The following VTI1A variants were observed in gnomAD, a reference collection of about 807,000 sequenced individuals.
The protein encoded by VTI1A is vesicle transport through interaction with t-SNAREs homolog 1A.
Under a neutral mutation model 34.9 loss-of-function variants are expected in VTI1A, and 22 were observed. That is an observed-to-expected ratio of 0.63 (90% CI 0.45 to 0.90). The LOEUF is 0.90. VTI1A is among the 40% of genes least tolerant of loss of function. The pLI is 0.00. For missense variants in VTI1A, 268 were observed against 275.6 expected, an observed-to-expected ratio of 0.97 and a Z score of 0.20; for synonymous variants, 87 against 97.3, an observed-to-expected ratio of 0.89 and a Z score of 0.62.
rs1457226715 is a variant in VTI1A, at chr10:112,556,414, C to G, written c.427+18084C>G. 9.9e-5 allele frequency among the ~76,000 whole-genome samples: 15 copies of G among 151,898 alleles called. 1 individual carries two copies. Among genetic ancestry groups the G allele is most frequent in the Admixed American group, 9.8e-4 (15 of 15,264 alleles). On this transcript the variant is annotated intron_variant, in intron 5 of 7. Coordinates refer to ENST00000393077, the MANE Select transcript of VTI1A (RefSeq NM_145206.4). ...ACTCTGATATTTCAACTCTAAAAAC[C>G]TCATAAATGATTCAGTATCAGTTTG...
chr10:112,519,782 G>C (rs1371385989), intron 3 of VTI1A, among the ~76,000 whole-genome samples: 1 of 152,046 alleles, frequency 6.6e-6, no homozygotes, highest in African/African-American at 2.4e-5. Context: ...GCCTGATCTA[G>C]ATGAAACCTC....
chr10:112,741,015 CT>C (rs1850676360), intron 7 of VTI1A, among the ~76,000 whole-genome samples: 1 of 152,118 alleles, frequency 6.6e-6, no homozygotes, highest in Non-Finnish European at 1.5e-5. Context: ...ATGGATAAAC[CT>C]GAAAACATGC....
At chr10:112,713,347 A>G (rs1849497072) in intron 7 of VTI1A, among the ~76,000 whole-genome samples, 1 of 152,238 alleles carries the variant, frequency 6.6e-6, no homozygotes, top group Non-Finnish European at 1.5e-5. Context: ...CATTATTGTC[A>G]AGATTACTGT....
chr10:112,618,518 T>TAG lies in VTI1A; in HGVS notation c.428-49699_428-49698insGA, dbSNP rs1229141246. ...ATATATATATATATATATATATATA[T>TAG]ATATATAGAGAGAGAGAGAGAGAGA... On this transcript the variant is annotated intron_variant, in intron 5 of 7. Transcript: ENST00000393077. Among the ~76,000 whole-genome samples, 358 of 47,420 alleles carry TAG rather than the reference T, an allele frequency of 7.5e-3. 8 individuals carry two copies. The highest frequency in any genetic ancestry group is 0.056 in the East Asian group (67 of 1,190). The allele number at this position is 47,420 out of a possible 152,430, so 31.1% of individuals were successfully genotyped here. A position where few individuals can be genotyped will look rare whatever the true frequency, so the allele number is the denominator to read the frequency against.
chr10:112,715,862 CAGACTTGTT>C (rs2133930387), intron 7 of VTI1A, among the ~76,000 whole-genome samples: 1 of 152,318 alleles, frequency 6.6e-6, no homozygotes, highest in African/African-American at 2.4e-5. Context: ...GGTGTATTCG[CAGACTTGTT>C]GTAGGCACAG....
At chr10:112,514,863 C>G (rs1374753449) in intron 3 of VTI1A, among the ~76,000 whole-genome samples, 1 of 151,904 alleles carries the variant, frequency 6.6e-6, no homozygotes, top group Non-Finnish European at 1.5e-5. Flanking sequence ...CCTTTTCATG[C>G]CTGTATATGG....
intron 7 of VTI1A, among the ~76,000 whole-genome samples, chr10:112,796,521 A>G (rs1852682921): frequency 1.3e-5 from 2 of 152,192 alleles, no homozygotes; most frequent in Admixed American, 6.5e-5. Context: ...TCGTGGTCTA[A>G]GAGCAATTCA....
intron 3 of VTI1A, among the ~76,000 whole-genome samples, chr10:112,485,904 A>G (rs1043098962): frequency 6.6e-6 from 1 of 152,222 alleles, no homozygotes; most frequent in African/African-American, 2.4e-5. Context: ...TCCCATTTAA[A>G]TGATTGCAAC....
intron 7 of VTI1A, among the ~76,000 whole-genome samples, chr10:112,708,530 C>G (rs1849281747): frequency 6.6e-6 from 1 of 152,164 alleles, no homozygotes; most frequent in Non-Finnish European, 1.5e-5. Flanking sequence ...ATGTTTTATA[C>G]TGTGCCAGCT....
chr10:112,846,218 G>A, the VTI1A span, among the ~76,000 whole-genome samples: 1 of 152,166 alleles, frequency 6.6e-6, no homozygotes, highest in African/African-American at 2.4e-5. Flanking sequence ...CCTATTATCA[G>A]AACTTTCATG....
intron 4 of VTI1A, among the ~76,000 whole-genome samples, chr10:112,527,746 G>A (rs899292375): frequency 6.6e-6 from 1 of 150,754 alleles, no homozygotes; most frequent in African/African-American, 2.4e-5. Context: ...AATAGGATAA[G>A]TCTTTTTGCA....
intron 5 of VTI1A, among the ~76,000 whole-genome samples, chr10:112,547,774 A>G (rs996386184): frequency 2.6e-5 from 4 of 152,152 alleles, no homozygotes; most frequent in Non-Finnish European, 4.4e-5. Context: ...TCTTTTAGAA[A>G]ATAAATTATT....
At chr10:112,793,701 T>G (rs1852570843) in intron 7 of VTI1A, among the ~76,000 whole-genome samples, 1 of 152,218 alleles carries the variant, frequency 6.6e-6, no homozygotes, top group Admixed American at 6.5e-5. Context: ...GAACTGGGCC[T>G]TGTTTTTACA....
intron 7 of VTI1A, among the ~76,000 whole-genome samples, chr10:112,759,493 C>G (rs1178818270): frequency 6.6e-6 from 1 of 152,170 alleles, no homozygotes; most frequent in Non-Finnish European, 1.5e-5. Context: ...CACATGCCTA[C>G]CGAACCAACG....
chr10:112,613,347 GAAGAATATGTA>G (rs1845391718), intron 5 of VTI1A, among the ~76,000 whole-genome samples: 1 of 152,066 alleles, frequency 6.6e-6, no homozygotes, highest in Non-Finnish European at 1.5e-5. Context: ...TATCCTATTG[GAAGAATATGTA>G]AAGAATATGT....
intron 1 of VTI1A, among the ~76,000 whole-genome samples, chr10:112,458,291 TAAGCCTG>T (rs1324779547): frequency 3.9e-5 from 6 of 152,210 alleles, no homozygotes; most frequent in Non-Finnish European, 8.8e-5. Flanking sequence ...TGATCCAAGA[TAAGCCTG>T]TCTTATTTTG....
At chr10:112,528,341 C>CA (rs963300274) in intron 4 of VTI1A, among the ~76,000 whole-genome samples, 9 of 152,010 alleles carry the variant, frequency 5.9e-5, no homozygotes, top group Admixed American at 5.2e-4. Context: ...CACCCACCCC[C>CA]AAAAAAGAGA....
intron 7 of VTI1A, among the ~76,000 whole-genome samples, chr10:112,757,365 T>TTTTTTTTA: frequency 7.6e-6 from 1 of 131,038 alleles, no homozygotes; most frequent in Non-Finnish European, 1.6e-5. Context: ...TTTTTTTTTT[T>TTTTTTTTA]TTTTTTTTTT....
At chr10:112,461,282 A>G (rs1847717560) in intron 2 of VTI1A, among the ~76,000 whole-genome samples, 1 of 152,216 alleles carries the variant, frequency 6.6e-6, no homozygotes, top group Non-Finnish European at 1.5e-5. Flanking sequence ...TGTTTGTCCC[A>G]GGGGGACACA....
Sources: gnomAD v4.1 joint callset for allele counts (sites outside exome capture counted in the v4.1 genomes callset) on GRCh38, gnomAD v4.1.1 for gene constraint, MANE v1.5 for transcripts, NCBI Gene and HGNC (gene_info 2026-07-23, HGNC 2026-07-21) for gene names.